Variants in MINDY4 observed in about 807,000 individuals in gnomAD.
The protein encoded by MINDY4 is MINDY lysine 48 deubiquitinase 4.
In MINDY4, 68 loss-of-function variants were observed where a neutral mutation model predicts 87.0. The observed-to-expected ratio is 0.78, with a 90% confidence interval of 0.64 to 0.96. MINDY4 has a LOEUF of 0.96. Ranked by LOEUF, MINDY4 falls within the 40% of genes least tolerant of loss-of-function variation. The pLI is 0.00. For synonymous variants in MINDY4, 379 were observed against 363.2 expected (o/e 1.04, Z -0.50); for missense variants, 919 against 928.2 (o/e 0.99, Z 0.13).
intron 13 of MINDY4, among the ~76,000 whole-genome samples, chr7:30,859,629 C>A (rs1386548759): frequency 6.6e-6 from 1 of 152,194 alleles, no homozygotes; most frequent in East Asian, 1.9e-4. Flanking sequence ...CAGGGGGATG[C>A]CCCTGGCACT....
intron 6 of MINDY4, among the ~76,000 whole-genome samples, chr7:30,832,702 G>T (rs938961716): frequency 6.6e-6 from 1 of 152,112 alleles, no homozygotes; most frequent in Non-Finnish European, 1.5e-5. Context: ...TAGAGATGGG[G>T]TTTCGCCATG....
rs1455887093 is a variant in MINDY4, at chr7:30,852,256, A to G, written c.1588A>G (p.Lys530Glu). 5.0e-6 allele frequency: 8 copies of G among 1,614,074 alleles called. No individual in the cohort carries two copies. The highest frequency in any genetic ancestry group is 6.8e-6 in the Non-Finnish European group (8 of 1,180,022). The part of the protein sequence containing the change: ...TQQFSPTGKY[K>E]ADGVLETLTL... ...GCAGTTCAGTCCAACAGGGAAATAC[A>G]AAGCAGATGGAGTCTTAGAAACAGT... The change falls in exon 11 of 18, where the codon AAA becomes GAA. Residue 530 changes from lysine to glutamate, a missense_variant. Physicochemically the swap from Lys to Glu is moderately conservative, Grantham distance 56. Transcript: ENST00000265299.
At chr7:30,879,405 T>A (rs1790389877) in intron 15 of MINDY4, among the ~76,000 whole-genome samples, 1 of 152,178 alleles carries the variant, frequency 6.6e-6, no homozygotes, top group Admixed American at 6.5e-5. Flanking sequence ...AACTCTGAGA[T>A]AATAAATGTC....
chr7:30,827,563 G>A (rs1428312627), intron 5 of MINDY4, among the ~76,000 whole-genome samples: 1 of 152,160 alleles, frequency 6.6e-6, no homozygotes, highest in African/African-American at 2.4e-5. Flanking sequence ...GTAGAATCCT[G>A]GTGGTGTTGG....
At position 30,774,861 on chromosome 7, in the gene MINDY4, T is replaced by TC. The variant is rs1401318083; in HGVS notation, c.63+3306dup. 2.8e-4 allele frequency among the ~76,000 whole-genome samples: 42 copies of TC among 152,134 alleles called. 1 individual carries two copies. The highest frequency in any genetic ancestry group is 3.9e-4 in the Admixed American group (6 of 15,292). The stretch of plus-strand genomic sequence containing the variant: ...GACTTAGTTTATGGCTCTCTTCTCT[T>TC]CTTCTTTCCGTTCACTCTCAAGACA... On this transcript the variant is annotated intron_variant, in intron 1 of 17. Transcript: ENST00000265299.
intron 7 of MINDY4, among the ~76,000 whole-genome samples, chr7:30,837,529 C>T (rs1788895488): frequency 6.6e-6 from 1 of 152,184 alleles, no homozygotes; most frequent in South Asian, 2.1e-4. Context: ...CCCCTCTCCT[C>T]CCCTCTCCCC....
chr7:30,786,228 G>C, intron 4 of MINDY4: 1 of 533,790 alleles, frequency 1.9e-6, no homozygotes, highest in Non-Finnish European at 3.3e-6. Flanking sequence ...TTGTGAGGTG[G>C]ATGCCATGGT....
chr7:30,828,318 TTGTGTG>T (rs60396175), intron 5 of MINDY4, among the ~76,000 whole-genome samples: 379 of 147,948 alleles, frequency 2.6e-3, no homozygotes, highest in African/African-American at 8.1e-3. Context: ...AGAACTCGAT[TTGTGTG>T]TGTGTGTGTG....
At chr7:30,828,774 G>A (rs1288702130) in intron 6 of MINDY4, 37 bp downstream of exon 6, 1 of 1,605,460 alleles carries the variant, frequency 6.2e-7, no homozygotes, top group Admixed American at 1.7e-5. Context: ...GTGCCCATCA[G>A]GGCCCAAGGG....
chr7:30,888,226 T>G (rs184826236), intron 17 of MINDY4, among the ~76,000 whole-genome samples: 3 of 152,300 alleles, frequency 2.0e-5, no homozygotes, highest in African/African-American at 7.2e-5. Flanking sequence ...TGATTTTAAG[T>G]TGACTTGAGC....
intron 17 of MINDY4, among the ~76,000 whole-genome samples, chr7:30,886,857 T>C (rs561037652): frequency 1.1e-4 from 16 of 152,204 alleles, no homozygotes; most frequent in African/African-American, 3.6e-4. Context: ...CCCACTGTTA[T>C]ACTGTAACCA....
rs1046125100 is a variant in MINDY4, at chr7:30,892,249, G to A, written c.*244G>A. The A allele has an allele frequency of 1.2e-5, 6 of 515,508 alleles. No individual in the cohort carries two copies. Among genetic ancestry groups the A allele is most frequent in the Middle Eastern group, 5.0e-4 (1 of 1,996 alleles). The allele number at this position is 515,508 out of a possible 1,614,324, so 31.9% of individuals were successfully genotyped here. A position where few individuals can be genotyped will look rare whatever the true frequency, so the allele number is the denominator to read the frequency against. ...GACTGCTGAGTACTGGAAGGAGGTT[G>A]CCAGGGTCTCTGCTACCTTTGTCTG... is the stretch of plus-strand genomic sequence containing the variant. On this transcript the variant is annotated 3_prime_UTR_variant, in exon 18 of 18. Transcript: ENST00000265299.
At chr7:30,822,857 T>C (rs1212306797) in intron 5 of MINDY4, among the ~76,000 whole-genome samples, 1 of 152,004 alleles carries the variant, frequency 6.6e-6, no homozygotes, top group Non-Finnish European at 1.5e-5. Context: ...TTGCCCAGAC[T>C]GTTCTCCGAC....
intron 14 of MINDY4, among the ~76,000 whole-genome samples, chr7:30,874,791 G>A (rs1333379777): frequency 6.6e-6 from 1 of 152,152 alleles, no homozygotes; most frequent in Non-Finnish European, 1.5e-5. Flanking sequence ...CGTCACTAAT[G>A]AAGTTCAAAC....
In MINDY4 at chr7:30,804,968, G is replaced by A. The variant is rs1351414138; in HGVS notation, c.1073+13394G>A. Among the ~76,000 whole-genome samples, 4 of 152,222 alleles carry A rather than the reference G, an allele frequency of 2.6e-5. No individual in the cohort carries two copies. The South Asian group carries it at 6.2e-4, about 24-fold the overall frequency. On this transcript the variant is annotated intron_variant, in intron 5 of 17. Coordinates refer to ENST00000265299, the MANE Select transcript of MINDY4 (RefSeq NM_032222.3). ...TAGCTGGAGCCCAGGGGATGTGTGA[G>A]TGGTGGGAAGAGGGTAGACTGCAGG...
chr7:30,780,806 G>T (rs887463471), intron 2 of MINDY4: 1 of 152,178 alleles, frequency 6.6e-6, no homozygotes, highest in Non-Finnish European at 1.5e-5. Context: ...CAATTCAGGG[G>T]CTTAAGTCTC....
At chr7:30,827,165 A>T (rs192154543) in intron 5 of MINDY4, among the ~76,000 whole-genome samples, 2 of 152,254 alleles carry the variant, frequency 1.3e-5, no homozygotes, top group Admixed American at 1.3e-4. Context: ...AGGATGTTGG[A>T]GAGATGTCTT....
chr7:30,892,108 C>T lies in MINDY4; in HGVS notation c.*103C>T. On this transcript the variant is annotated 3_prime_UTR_variant, in exon 18 of 18. Transcript: ENST00000265299. ...TGGGGCAGGTCTCATGTACCCCAAC[C>T]TGGGTCAGCATGACTGCAGAAGCAT... is the stretch of plus-strand genomic sequence containing the variant. 7.7e-7 allele frequency: 1 copy of T among 1,304,662 alleles called. No homozygotes were observed. The highest frequency in any genetic ancestry group is 1.7e-5 in the Admixed American group (1 of 59,222). 80.8% of individuals were successfully genotyped at this position (1,304,662 alleles called of 1,614,324 possible). A position where few individuals can be genotyped will look rare whatever the true frequency, so the allele number is the denominator to read the frequency against.
At chr7:30,786,112 G>T in intron 4 of MINDY4, 120 bp downstream of exon 4, 1 of 1,360,100 alleles carries the variant, frequency 7.4e-7, no homozygotes, top group Non-Finnish European at 1.0e-6. Context: ...GGGTCTGTGT[G>T]TGGGGTGGGA....
Sources: allele counts gnomAD v4.1 joint callset (sites outside exome capture counted in the v4.1 genomes callset), GRCh38; gene constraint gnomAD v4.1.1; transcripts MANE v1.5; gene names NCBI Gene and HGNC (gene_info 2026-07-23, HGNC 2026-07-21).